The following ZFAND3 variants were observed in gnomAD, a reference collection of about 807,000 sequenced individuals.
ZFAND3 encodes the protein zinc finger AN1-type containing 3.
ZFAND3 carries 10 observed loss-of-function variants against 29.6 expected under a neutral mutation model. The ratio of observed to expected loss-of-function variants is 0.34; its 90% CI spans 0.21 to 0.57. The LOEUF is 0.57. ZFAND3 is among the 20% of genes least tolerant of loss of function. ZFAND3 has a pLI of 0.86. For synonymous variants in ZFAND3, 128 were observed against 112.6 expected, an observed-to-expected ratio of 1.14 and a Z score of -0.87; for missense variants, 230 against 304.5, an observed-to-expected ratio of 0.76 and a Z score of 1.82.
At chr6:37,896,540 T>TTCTC (rs1337057603) in intron 1 of ZFAND3, among the ~76,000 whole-genome samples, 8 of 126,082 alleles carry the variant, frequency 6.3e-5, no homozygotes, top group African/African-American at 2.8e-4. Context: ...CTTTCTTTCT[T>TTCTC]TCTTTCTTTC....
chr6:37,942,578 C>T (rs1485910422), intron 2 of ZFAND3, among the ~76,000 whole-genome samples: 1 of 152,026 alleles, frequency 6.6e-6, no homozygotes, highest in Non-Finnish European at 1.5e-5. Context: ...CACTCCTTCC[C>T]CCAGAGATAC....
chr6:38,096,108 C>A (rs1281506808), intron 4 of ZFAND3, among the ~76,000 whole-genome samples: 3 of 152,070 alleles, frequency 2.0e-5, no homozygotes, highest in Admixed American at 6.5e-5. Flanking sequence ...CACTGATTAT[C>A]ATTTTTATGA....
intron 2 of ZFAND3, among the ~76,000 whole-genome samples, chr6:38,011,983 T>G (rs1373646528): frequency 6.6e-6 from 1 of 152,196 alleles, no homozygotes; most frequent in Non-Finnish European, 1.5e-5. Context: ...ATACTTAAAA[T>G]TAGACATTTG....
intron 2 of ZFAND3, among the ~76,000 whole-genome samples, chr6:37,945,846 C>CT (rs1761891136): frequency 6.6e-6 from 1 of 152,188 alleles, no homozygotes; most frequent in South Asian, 2.1e-4. Flanking sequence ...TGTCAATACT[C>CT]TGAGTTTATG....
intron 2 of ZFAND3, among the ~76,000 whole-genome samples, chr6:37,983,624 G>T (rs1040412781): frequency 6.6e-6 from 1 of 152,120 alleles, no homozygotes; most frequent in Non-Finnish European, 1.5e-5. Context: ...CTCCCAAAGT[G>T]CTGGGATTAC....
intron 1 of ZFAND3, among the ~76,000 whole-genome samples, chr6:37,915,135 T>A (rs1272172707): frequency 4.6e-5 from 7 of 152,224 alleles, no homozygotes; most frequent in Admixed American, 2.0e-4. Context: ...TTCTTTTTTT[T>A]AAACCTCATG....
At chr6:38,088,433 G>A (rs1764799551) in intron 4 of ZFAND3, 2 of 152,108 alleles carry the variant, frequency 1.3e-5, no homozygotes, top group South Asian at 4.1e-4. Context: ...GGGGATGGTT[G>A]ATGGGTACCA....
intron 2 of ZFAND3, among the ~76,000 whole-genome samples, chr6:38,045,067 T>C (rs1029179226): frequency 8.6e-5 from 12 of 139,302 alleles, no homozygotes; most frequent in African/African-American, 2.6e-4. Flanking sequence ...TATTTATTTA[T>C]TTATTTATTT....
chr6:37,976,890 T>C (rs1019602690), intron 2 of ZFAND3, among the ~76,000 whole-genome samples: 1 of 152,084 alleles, frequency 6.6e-6, no homozygotes. Flanking sequence ...ACGTGGGGAT[T>C]ACAATTTTAG....
intron 1 of ZFAND3, among the ~76,000 whole-genome samples, chr6:37,864,736 TATACAC>T (rs1764555040): frequency 1.3e-5 from 1 of 77,626 alleles, no homozygotes; most frequent in African/African-American, 7.5e-5. Context: ...TATATGTGGT[TATACAC>T]ACACACACAC....
intron 5 of ZFAND3, among the ~76,000 whole-genome samples, chr6:38,144,206 TATATAA>T (rs1766041518): frequency 4.5e-5 from 2 of 44,284 alleles, no homozygotes; most frequent in African/African-American, 2.6e-4. Flanking sequence ...TATATATATA[TATATAA>T]TATATAATAT....
chr6:37,872,538 C>T (rs1277420703), intron 1 of ZFAND3, among the ~76,000 whole-genome samples: 1 of 152,182 alleles, frequency 6.6e-6, no homozygotes, highest in Non-Finnish European at 1.5e-5. Context: ...CATGTCCCTT[C>T]TCAGTCATTA....
intron 4 of ZFAND3, among the ~76,000 whole-genome samples, chr6:38,097,252 T>TTTC (rs1326210549): frequency 1.3e-5 from 2 of 148,156 alleles, no homozygotes; most frequent in African/African-American, 2.6e-5. Context: ...ATTTTTCATT[T>TTTC]TTTTTTTTTT....
At chr6:37,999,449 A>G (rs1324438307) in intron 2 of ZFAND3, among the ~76,000 whole-genome samples, 1 of 152,200 alleles carries the variant, frequency 6.6e-6, no homozygotes, top group East Asian at 1.9e-4. Flanking sequence ...AGGGAGGGAA[A>G]GTAACTTTAA....
chr6:38,055,986 G>A (rs974983080), intron 2 of ZFAND3, among the ~76,000 whole-genome samples: 18 of 152,138 alleles, frequency 1.2e-4, no homozygotes, highest in African/African-American at 2.7e-4. Context: ...ACAAGTGAAC[G>A]GATGATTCTT....
At chr6:37,936,244 C>G (rs1761695415) in intron 2 of ZFAND3, among the ~76,000 whole-genome samples, 1 of 152,182 alleles carries the variant, frequency 6.6e-6, no homozygotes, top group Admixed American at 6.5e-5. Flanking sequence ...ACTGAAGTAA[C>G]TCCTCTACTA....
chr6:37,876,163 T>G (rs1259721364), intron 1 of ZFAND3, among the ~76,000 whole-genome samples: 1 of 152,246 alleles, frequency 6.6e-6, no homozygotes, highest in Non-Finnish European at 1.5e-5. Flanking sequence ...AGGAAATTGG[T>G]TATTTTAAAT....
intron 5 of ZFAND3, among the ~76,000 whole-genome samples, chr6:38,130,032 A>G (rs1004031454): frequency 1.3e-5 from 2 of 151,448 alleles, no homozygotes; most frequent in Non-Finnish European, 2.9e-5. Flanking sequence ...GAGGTCTTTC[A>G]TCTCCTTGGT....
chr6:38,096,081 A>G (rs1232756863), intron 4 of ZFAND3, among the ~76,000 whole-genome samples: 2 of 152,102 alleles, frequency 1.3e-5, no homozygotes, highest in South Asian at 2.1e-4. Context: ...CCATGTTACT[A>G]CTAAGAAGTC....
Sources: allele counts gnomAD v4.1 joint callset (sites outside exome capture counted in the v4.1 genomes callset), GRCh38; gene constraint gnomAD v4.1.1; transcripts MANE v1.5; gene names NCBI Gene and HGNC (gene_info 2026-07-23, HGNC 2026-07-21).